Variants in KCTD16 observed in about 807,000 individuals in gnomAD.
KCTD16 encodes the protein BTB/POZ domain-containing protein KCTD16.
KCTD16 carries 13 observed loss-of-function variants against 33.2 expected under a neutral mutation model. That is an observed-to-expected ratio of 0.39 (90% confidence interval 0.25 to 0.62). The LOEUF (loss-of-function observed/expected upper bound fraction) is 0.62, where lower values mean the gene tolerates loss of function less well. Among genes scored for constraint, KCTD16 ranks in the 20% least tolerant of loss-of-function variants. KCTD16 has a pLI of 0.50. For missense variants in KCTD16, 441 were observed against 525.1 expected, an observed-to-expected ratio of 0.84 and a Z score of 1.57; for synonymous variants, 197 against 195.3, an observed-to-expected ratio of 1.01 and a Z score of -0.07.
chr5:144,296,215 T>TAA (rs61121607), intron 3 of KCTD16, among the ~76,000 whole-genome samples: 7 of 151,730 alleles, frequency 4.6e-5, no homozygotes, highest in Admixed American at 2.0e-4. Flanking sequence ...CCAGAAATGG[T>TAA]AAAAAAAATA....
chr5:144,310,961 C>A (rs1751748785), intron 3 of KCTD16, among the ~76,000 whole-genome samples: 1 of 152,138 alleles, frequency 6.6e-6, no homozygotes, highest in South Asian at 2.1e-4. Context: ...CATGGGACTG[C>A]AGTAATAATT....
At chr5:144,419,912 G>T (rs1753171099) in intron 3 of KCTD16, among the ~76,000 whole-genome samples, 1 of 152,062 alleles carries the variant, frequency 6.6e-6, no homozygotes, top group South Asian at 2.1e-4. Context: ...AAAGTAATCA[G>T]GATAACTGAC....
intron 3 of KCTD16, among the ~76,000 whole-genome samples, chr5:144,376,375 T>C (rs1752093889): frequency 1.3e-5 from 2 of 152,320 alleles, no homozygotes; most frequent in Middle Eastern, 6.8e-3. Flanking sequence ...ATCTCGGTAG[T>C]TGGTCTAATA....
At chr5:144,241,458 T>A (rs1295394499) in intron 3 of KCTD16, among the ~76,000 whole-genome samples, 1 of 152,142 alleles carries the variant, frequency 6.6e-6, no homozygotes, top group Non-Finnish European at 1.5e-5. Context: ...TGCAATCAGA[T>A]CAATTAAAGG....
chr5:144,465,185 C>CA lies in KCTD16; in HGVS notation c.833-8475_833-8474insA, dbSNP rs1469408866. On this transcript the variant is annotated intron_variant, in intron 3 of 3. Transcript: ENST00000512467. ...ATCACATACATAGTCTCTCTCTCCCCCCCCTCTCTCTCTCACTCTCTCTCT... is the reference window on the plus strand; with the variant it reads ...ATCACATACATAGTCTCTCTCTCCCCACCCCTCTCTCTCTCACTCTCTCTCT... 6.0e-5 allele frequency among the ~76,000 whole-genome samples: 6 copies of CA among 100,608 alleles called. No homozygotes were observed. In the East Asian group the frequency reaches 2.6e-3, roughly 43 times the overall value. The allele number at this position is 100,608 out of a possible 152,430, so 66.0% of individuals were successfully genotyped here.
At chr5:144,356,058 G>T (rs566005724) in intron 3 of KCTD16, among the ~76,000 whole-genome samples, 1 of 152,252 alleles carries the variant, frequency 6.6e-6, no homozygotes, top group South Asian at 2.1e-4. Flanking sequence ...TGTTTCATAT[G>T]TGATTGTCTT....
chr5:144,213,962 C>T (rs1753482543), intron 3 of KCTD16, among the ~76,000 whole-genome samples: 1 of 152,162 alleles, frequency 6.6e-6, no homozygotes, highest in Non-Finnish European at 1.5e-5. Context: ...GCCCTGTTGA[C>T]TATGAGAATC....
intron 3 of KCTD16, among the ~76,000 whole-genome samples, chr5:144,357,650 A>C (rs1751601979): frequency 6.6e-6 from 1 of 152,188 alleles, no homozygotes; most frequent in South Asian, 2.1e-4. Context: ...AAGACTGTCT[A>C]AAGAACTTCA....
chr5:144,314,146 C>G (rs1751843279), intron 3 of KCTD16, among the ~76,000 whole-genome samples: 1 of 152,142 alleles, frequency 6.6e-6, no homozygotes, highest in African/African-American at 2.4e-5. Context: ...TCACTTAGAA[C>G]AAAAGAGGCT....
At chr5:144,384,114 T>C (rs1561587900) in intron 3 of KCTD16, 2 of 152,202 alleles carry the variant, frequency 1.3e-5, no homozygotes, top group South Asian at 2.1e-4. Context: ...GTGGGAGTCA[T>C]TGAAATGGGA....
intron 3 of KCTD16, among the ~76,000 whole-genome samples, chr5:144,305,720 A>G (rs979294794): frequency 6.6e-6 from 1 of 152,310 alleles, no homozygotes; most frequent in African/African-American, 2.4e-5. Context: ...AGGCTGAAGC[A>G]CAAGAACCAC....
chr5:144,387,613 T>C (rs992460290), intron 3 of KCTD16, among the ~76,000 whole-genome samples: 3 of 152,194 alleles, frequency 2.0e-5, no homozygotes, highest in Non-Finnish European at 2.9e-5. Flanking sequence ...GTGTTGGAGT[T>C]GTGCATAAGC....
intron 3 of KCTD16, among the ~76,000 whole-genome samples, chr5:144,381,524 G>A (rs1372306572): frequency 6.6e-6 from 1 of 152,138 alleles, no homozygotes; most frequent in Non-Finnish European, 1.5e-5. Flanking sequence ...GCCTCAGGAA[G>A]TTTACAATCA....
intron 3 of KCTD16, among the ~76,000 whole-genome samples, chr5:144,345,282 C>A (rs1214643563): frequency 4.0e-5 from 6 of 151,584 alleles, no homozygotes; most frequent in Non-Finnish European, 5.9e-5. Flanking sequence ...TGCAGCACAC[C>A]AGCATGGCAC....
At chr5:144,221,508 A>G (rs1027122347) in intron 3 of KCTD16, among the ~76,000 whole-genome samples, 3 of 152,188 alleles carry the variant, frequency 2.0e-5, no homozygotes, top group African/African-American at 7.2e-5. Context: ...ATGAGTGAGA[A>G]CATGCAGTGT....
intron 3 of KCTD16, among the ~76,000 whole-genome samples, chr5:144,261,173 A>G (rs1295660127): frequency 1.3e-5 from 2 of 150,680 alleles, no homozygotes; most frequent in African/African-American, 4.9e-5. Flanking sequence ...ACAACAAAAA[A>G]AAAAAAAAAA....
chr5:144,289,386 G>A (rs573149772), intron 3 of KCTD16, among the ~76,000 whole-genome samples: 2 of 152,212 alleles, frequency 1.3e-5, no homozygotes, highest in South Asian at 2.1e-4. Context: ...ACAGTGATGT[G>A]TCTGTCATTA....
At chr5:144,440,644 C>A (rs553186682) in intron 3 of KCTD16, among the ~76,000 whole-genome samples, 1 of 150,236 alleles carries the variant, frequency 6.7e-6, no homozygotes, top group African/African-American at 2.5e-5. Flanking sequence ...CCAGCTTGGG[C>A]GATATAATGA....
At chr5:144,385,293 T>G (rs540286177) in intron 3 of KCTD16, 1 of 152,236 alleles carries the variant, frequency 6.6e-6, no homozygotes, top group Non-Finnish European at 1.5e-5. Flanking sequence ...CATTGTTGCA[T>G]AATGTCCACA....
Sources: allele counts gnomAD v4.1 joint callset (sites outside exome capture counted in the v4.1 genomes callset), GRCh38; gene constraint gnomAD v4.1.1; transcripts MANE v1.5; gene names NCBI Gene and HGNC (gene_info 2026-07-23, HGNC 2026-07-21).